The following IL17RB variants were observed in gnomAD, a reference collection of about 807,000 sequenced individuals.
IL17RB encodes interleukin 17 receptor B.
A neutral mutation model predicts 43.9 loss-of-function variants in IL17RB; 36 were observed. That is an observed-to-expected ratio of 0.82 (90% confidence interval 0.63 to 1.08). The LOEUF (loss-of-function observed/expected upper bound fraction) is 1.08, where lower values mean the gene tolerates loss of function less well. Among genes scored for constraint, IL17RB ranks in the 50% least tolerant of loss-of-function variants. The pLI is 0.00. For synonymous variants in IL17RB, 225 were observed against 225.4 expected (o/e 1.00, Z 0.02); for missense variants, 613 against 613.6 (o/e 1.00, Z 0.01).
chr3:53,856,754 A>C lies in IL17RB; in HGVS notation c.530-90A>C, dbSNP rs1283897489. On this transcript the variant is annotated intron_variant, in intron 6 of 10. Coordinates refer to ENST00000288167, the MANE Select transcript of IL17RB (RefSeq NM_018725.4). ...TATCTCTTGGACATTGTTCCTGAGA[A>C]CTTGGGTTTGTTTCCATAAAGCCCT... is the stretch of plus-strand genomic sequence containing the variant. 2.4e-6 allele frequency: 3 copies of C among 1,265,654 alleles called. No homozygotes were observed. In the African/African-American group the frequency reaches 4.4e-5, roughly 19 times the overall value. The allele number at this position is 1,265,654 out of a possible 1,614,324, so 78.4% of individuals were successfully genotyped here.
intron 1 of IL17RB, among the ~76,000 whole-genome samples, chr3:53,847,756 C>T (rs1380370660): frequency 6.6e-6 from 1 of 152,104 alleles, no homozygotes; most frequent in Non-Finnish European, 1.5e-5. Flanking sequence ...ATCTGCGCCA[C>T]TGTACTCCAG....
At chr3:53,852,180 C>A in intron 4 of IL17RB, 54 bp downstream of exon 4, 1 of 1,548,378 alleles carries the variant, frequency 6.5e-7, no homozygotes, top group South Asian at 1.1e-5. Context: ...CTTGTTCTGT[C>A]ACCCAGGCTG....
At chr3:53,860,326 T>C in intron 10 of IL17RB, 98 bp downstream of exon 10, 1 of 912,580 alleles carries the variant, frequency 1.1e-6, no homozygotes, top group Non-Finnish European at 1.7e-6. Flanking sequence ...CATGTTGGCG[T>C]TTCCCAGAGT....
At chr3:53,850,632 C>T (rs28741393) in intron 3 of IL17RB, among the ~76,000 whole-genome samples, 3,247 of 151,818 alleles carry the variant, frequency 0.021, 127 homozygotes, top group African/African-American at 0.073. Context: ...GGTGAAACTC[C>T]ATCTCTCCTA....
Position 53,864,744 on chromosome 3 carries a change from A to G in IL17RB, c.947-2A>G, listed in dbSNP as rs763396978. 1 of 1,596,232 alleles carries G rather than the reference A, an allele frequency of 6.3e-7. No individual in the cohort carries two copies. Among genetic ancestry groups the G allele is most frequent in the Non-Finnish European group, 8.5e-7 (1 of 1,170,814 alleles). On this transcript the variant is annotated splice_acceptor_variant, in intron 10 of 10. Transcript: ENST00000288167. LOFTEE classifies it high-confidence loss of function. Reference sequence around the variant, plus strand: ...ATAACAAATGCTTTTCTCCTCTCACAGAAAGGATCAAGAAGACTTCCTTTT... The same window carrying G: ...ATAACAAATGCTTTTCTCCTCTCACGGAAAGGATCAAGAAGACTTCCTTTT...
intron 9 of IL17RB, chr3:53,859,155 G>A (rs1390708089): frequency 1.5e-5 from 3 of 203,324 alleles, no homozygotes; most frequent in African/African-American, 6.9e-5. Context: ...ATATGAGAAT[G>A]AATATTTCAC....
chr3:53,851,906 CATAAA>C, intron 3 of IL17RB, 88 bp from the exon 4 acceptor site: 1 of 1,409,850 alleles, frequency 7.1e-7, no homozygotes, highest in East Asian at 2.3e-5. Context: ...TGAACCGAGA[CATAAA>C]ATAAAGCATG....
In IL17RB at chr3:53,865,255, G is replaced by A; in HGVS notation, c.1456G>A (p.Val486Met). 6.2e-7 allele frequency: 1 copy of A among 1,611,906 alleles called. No individual in the cohort carries two copies. Among genetic ancestry groups the A allele is most frequent in the Non-Finnish European group, 8.5e-7 (1 of 1,180,026 alleles). ...AGAACTTCTCCATGTCAAGCAGCAG[G>A]TGTCAGCAGGAAAAAGATCACAAGC... ...CAELLHVKQQ[V>M]SAGKRSQACH... The change falls in exon 11 of 11, where the codon GTG becomes ATG. Residue 486 changes from valine (V) to methionine (M), a missense_variant. Transcript: ENST00000288167.
chr3:53,849,976 G>T (rs1306459928), intron 3 of IL17RB, among the ~76,000 whole-genome samples, 181 bp downstream of exon 3: 2 of 152,172 alleles, frequency 1.3e-5, no homozygotes, highest in African/African-American at 2.4e-5. Context: ...ACATTAGAAA[G>T]CACTCAAATG....
At chr3:53,855,237 G>T in intron 5 of IL17RB, 57 bp from the exon 6 acceptor site, 3 of 1,184,330 alleles carry the variant, frequency 2.5e-6, no homozygotes, top group South Asian at 2.5e-5. Flanking sequence ...CTTGGCAAAG[G>T]GGGTGGGGCA....
At chr3:53,863,391 G>A (rs910874434) in intron 10 of IL17RB, among the ~76,000 whole-genome samples, 1 of 150,472 alleles carries the variant, frequency 6.6e-6, no homozygotes, top group African/African-American at 2.4e-5. Context: ...GCTCAAGGCA[G>A]AGCTATTAAA....
rs28385745 is a variant in IL17RB, at chr3:53,855,145, G to C, written c.482-149G>C. The C allele has an allele frequency of 0.016, 4,520 of 287,822 alleles. 283 individuals are homozygous for C. The East Asian group carries it at 0.18, about 11-fold the overall frequency. 17.8% of individuals were successfully genotyped at this position (287,822 alleles called of 1,614,324 possible). ...AAAAAAAAAAAAAAAAAAAAAATTAGAGCCCCATTTGAATTTGCCATCTTA... is the reference window on the plus strand; with the variant it reads ...AAAAAAAAAAAAAAAAAAAAAATTACAGCCCCATTTGAATTTGCCATCTTA... On this transcript the variant is annotated intron_variant, in intron 5 of 10. Transcript: ENST00000288167.
rs1328352963 is a variant in IL17RB at position 53,857,778 on chromosome 3, T to A, written c.747+88T>A. On this transcript the variant is annotated intron_variant, in intron 8 of 10. Transcript: ENST00000288167. ...GCTTTTAAGGATGAGTTCTCTCTTG[T>A]CAAATGCACTTCTGCCAGCAGACAC... 1.1e-5 allele frequency: 13 copies of A among 1,169,960 alleles called. No individual in the cohort carries two copies. In the Admixed American group the frequency reaches 2.3e-4, roughly 21 times the overall value. 72.5% of individuals were successfully genotyped at this position (1,169,960 alleles called of 1,614,324 possible).
chr3:53,847,621 C>T (rs982195199), intron 1 of IL17RB, among the ~76,000 whole-genome samples: 1 of 151,992 alleles, frequency 6.6e-6, no homozygotes, highest in Non-Finnish European at 1.5e-5. Context: ...TGGTGAAACC[C>T]CGTCTCTACT....
chr3:53,855,761 G>GCAAACATT (rs1477299266), intron 6 of IL17RB, among the ~76,000 whole-genome samples: 2 of 152,164 alleles, frequency 1.3e-5, no homozygotes, highest in African/African-American at 4.8e-5. Context: ...GTTTGGATTA[G>GCAAACATT]CAAACATTCG....
chr3:53,857,792 G>T (rs1455835842), intron 8 of IL17RB, 102 bp downstream of exon 8: 19 of 1,054,560 alleles, frequency 1.8e-5, no homozygotes, highest in Non-Finnish European at 2.6e-5. Flanking sequence ...ATGCACTTCT[G>T]CCAGCAGACA....
intron 5 of IL17RB, 129 bp from the exon 6 acceptor site, chr3:53,855,165 A>G (rs1287725129): frequency 2.3e-6 from 1 of 438,128 alleles, no homozygotes; most frequent in African/African-American, 2.1e-5. Context: ...TGAATTTGCC[A>G]TCTTACATCT....
chr3:53,847,622 C>T (rs551784060), intron 1 of IL17RB, among the ~76,000 whole-genome samples: 12 of 151,800 alleles, frequency 7.9e-5, no homozygotes, highest in African/African-American at 2.9e-4. Context: ...GGTGAAACCC[C>T]GTCTCTACTA....
At chr3:53,859,509 G>A (rs1323105667) in intron 9 of IL17RB, 1 of 152,470 alleles carries the variant, frequency 6.6e-6, no homozygotes, top group Non-Finnish European at 1.5e-5. Context: ...GAGCTTACCT[G>A]ATGTTCTTGT....
Sources: allele counts gnomAD v4.1 joint callset (sites outside exome capture counted in the v4.1 genomes callset), GRCh38; gene constraint gnomAD v4.1.1; transcripts MANE v1.5; gene names NCBI Gene and HGNC (gene_info 2026-07-23, HGNC 2026-07-21).